The following PRXL2A variants were observed in gnomAD, a reference collection of about 807,000 sequenced individuals.
The protein encoded by PRXL2A is peroxiredoxin-like 2A.
PRXL2A carries 26 observed loss-of-function variants against 25.6 expected under a neutral mutation model. The observed-to-expected ratio is 1.02, with a 90% CI of 0.74 to 1.41. The LOEUF is 1.41. PRXL2A is among the 40% of genes most tolerant of loss of function. The probability of loss-of-function intolerance (pLI) is 0.00; values close to 1 mark genes in which losing one functional copy is unlikely to be tolerated. For missense variants in PRXL2A, 246 were observed against 273.9 expected (o/e 0.90, Z 0.72); for synonymous variants, 98 against 102.9 (o/e 0.95, Z 0.29).
chr10:80,424,895 T>G (rs1163845336), intron 3 of PRXL2A, among the ~76,000 whole-genome samples: 1 of 152,138 alleles, frequency 6.6e-6, no homozygotes, highest in Non-Finnish European at 1.5e-5. Context: ...ACCTTTCATA[T>G]CACAAAAAGG....
At chr10:80,412,884 G>A (rs968546546) in intron 1 of PRXL2A, among the ~76,000 whole-genome samples, 4 of 152,186 alleles carry the variant, frequency 2.6e-5, no homozygotes, top group African/African-American at 9.7e-5. Context: ...GTGGGGGTGT[G>A]CTGGGATCGC....
chr10:80,420,345 C>G, intron 1 of PRXL2A, 121 bp from the exon 2 acceptor site: 4 of 1,468,490 alleles, frequency 2.7e-6, no homozygotes, highest in South Asian at 1.5e-5. Flanking sequence ...TGTGACACTG[C>G]TGCTCCCTTC....
chr10:80,421,182 C>T (rs1005562457), intron 2 of PRXL2A, among the ~76,000 whole-genome samples: 2 of 152,218 alleles, frequency 1.3e-5, no homozygotes, highest in Non-Finnish European at 2.9e-5. Flanking sequence ...GCATGGCCAG[C>T]CCCTCCCTGT....
intron 3 of PRXL2A, among the ~76,000 whole-genome samples, chr10:80,423,016 A>T (rs1278175730): frequency 6.6e-6 from 1 of 152,088 alleles, no homozygotes; most frequent in Non-Finnish European, 1.5e-5. Flanking sequence ...CCACATTCTC[A>T]CATGTTAGCT....
At chr10:80,409,094 C>G in intron 1 of PRXL2A, 2 of 985,124 alleles carry the variant, frequency 2.0e-6, no homozygotes, top group Non-Finnish European at 2.4e-6. Context: ...TCCTCGTCCT[C>G]GTCTCTGTGC....
chr10:80,411,330 G>A (rs557093766), intron 1 of PRXL2A, among the ~76,000 whole-genome samples: 5 of 152,218 alleles, frequency 3.3e-5, no homozygotes, highest in Non-Finnish European at 7.3e-5. Context: ...GGCTGATGAT[G>A]TTCTCTCCAG....
intron 1 of PRXL2A, chr10:80,413,740 G>GTCCT: frequency 1.5e-6 from 1 of 651,534 alleles, no homozygotes; most frequent in Non-Finnish European, 1.9e-6. Flanking sequence ...GGGTGGCCTG[G>GTCCT]TCCTGCCTAT....
intron 5 of PRXL2A, among the ~76,000 whole-genome samples, chr10:80,429,762 C>T (rs1845185091): frequency 6.6e-6 from 1 of 152,126 alleles, no homozygotes; most frequent in Non-Finnish European, 1.5e-5. Flanking sequence ...CAGGCCACTT[C>T]CCCAGTGGAT....
In PRXL2A at chr10:80,422,282, C is replaced by T. The variant is rs961807618; in HGVS notation, c.179-135C>T. 3.1e-5 allele frequency: 19 copies of T among 604,574 alleles called. No individual in the cohort carries two copies. The East Asian group carries it at 3.6e-4, about 11-fold the overall frequency. The allele number at this position is 604,574 out of a possible 1,614,324, so 37.5% of individuals were successfully genotyped here. On this transcript the variant is annotated intron_variant, in intron 2 of 5. Transcript: ENST00000606162. ...TGTGTTTCCTGTGTGTCTTTTCCCACGTGTGAAATGCCTGTCCAGGTCCTC... is the reference window on the plus strand; with the variant it reads ...TGTGTTTCCTGTGTGTCTTTTCCCATGTGTGAAATGCCTGTCCAGGTCCTC...
rs770651458 is a variant in PRXL2A, at chr10:80,433,372, G to T, written c.*1273G>T. 6.6e-6 allele frequency: 1 copy of T among 152,174 alleles called. No homozygotes were observed. Among genetic ancestry groups the T allele is most frequent in the African/African-American group, 2.4e-5 (1 of 41,422 alleles). 9.4% of individuals were successfully genotyped at this position (152,174 alleles called of 1,614,324 possible). On this transcript the variant is annotated 3_prime_UTR_variant, in exon 6 of 6. Transcript: ENST00000606162. ...ATCATCAAGACCTACCAGGGAGCTC[G>T]GCCACAGGGAGTCTACTCAAGGCAT...
At chr10:80,418,074 T>G (rs1384025085) in intron 1 of PRXL2A, among the ~76,000 whole-genome samples, 1 of 152,002 alleles carries the variant, frequency 6.6e-6, no homozygotes, top group African/African-American at 2.4e-5. Flanking sequence ...ATATGCATAT[T>G]TGTTACATGG....
Position 80,432,178 on chromosome 10 carries a change from C to T in PRXL2A, c.*79C>T. The T allele has an allele frequency of 1.2e-6, 1 of 825,724 alleles. No homozygotes were observed. Among genetic ancestry groups the T allele is most frequent in the Non-Finnish European group, 2.0e-6 (1 of 501,722 alleles). 51.1% of individuals were successfully genotyped at this position (825,724 alleles called of 1,614,324 possible). On this transcript the variant is annotated 3_prime_UTR_variant, in exon 6 of 6. Coordinates refer to ENST00000606162, the MANE Select transcript of PRXL2A (RefSeq NM_032333.5). The stretch of plus-strand genomic sequence containing the variant: ...GGGATGTATTGTTTCCACTCGTGTC[C>T]CTAAGGAGTGAGAAACCCATTTATA...
chr10:80,414,242 C>G (rs1164880266), intron 1 of PRXL2A, among the ~76,000 whole-genome samples: 1 of 152,204 alleles, frequency 6.6e-6, no homozygotes, highest in African/African-American at 2.4e-5. Flanking sequence ...GTGGCTTTAT[C>G]CTACTTCACC....
chr10:80,412,676 A>G (rs74702152), intron 1 of PRXL2A, among the ~76,000 whole-genome samples: 3,311 of 152,224 alleles, frequency 0.022, 48 homozygotes, highest in Non-Finnish European at 0.031. Context: ...GGCTTTGGAG[A>G]GGAAGTGTTA....
chr10:80,426,091 G>A, intron 4 of PRXL2A, 85 bp downstream of exon 4: 1 of 1,553,832 alleles, frequency 6.4e-7, no homozygotes, highest in Non-Finnish European at 8.8e-7. Context: ...GGTATGTCTG[G>A]CCTGGAGCTG....
chr10:80,421,719 G>A (rs1263147185), intron 2 of PRXL2A, among the ~76,000 whole-genome samples: 1 of 151,456 alleles, frequency 6.6e-6, no homozygotes, highest in Admixed American at 6.6e-5. Flanking sequence ...AATAATTAAG[G>A]GCTCATATTT....
At chr10:80,411,453 G>A (rs916274631) in intron 1 of PRXL2A, among the ~76,000 whole-genome samples, 4 of 152,238 alleles carry the variant, frequency 2.6e-5, no homozygotes, top group African/African-American at 9.6e-5. Context: ...AGACTGCCAT[G>A]CTATTCCAGC....
intron 5 of PRXL2A, 79 bp downstream of exon 5, chr10:80,427,575 G>T: frequency 1.4e-6 from 2 of 1,477,390 alleles, no homozygotes; most frequent in Admixed American, 1.9e-5. Context: ...GCTGGAGTGG[G>T]GGTTGACTTT....
In PRXL2A at chr10:80,420,332, G is replaced by A. The variant is rs148780097; in HGVS notation, c.-2-134G>A. The A allele has an allele frequency of 2.7e-4, 391 of 1,437,736 alleles. 3 individuals carry two copies. In the East Asian group the frequency reaches 8.8e-3, roughly 32 times the overall value. The allele number at this position is 1,437,736 out of a possible 1,614,324, so 89.1% of individuals were successfully genotyped here. A position where few individuals can be genotyped will look rare whatever the true frequency, so the allele number is the denominator to read the frequency against. ...TGCTTAGCAGCCCTTGTCCAGTCTCGCCTGTGACACTGCTGCTCCCTTCCC... is the reference window on the plus strand; with the variant it reads ...TGCTTAGCAGCCCTTGTCCAGTCTCACCTGTGACACTGCTGCTCCCTTCCC... On this transcript the variant is annotated intron_variant, in intron 1 of 5. Transcript: ENST00000606162.
Sources: allele counts gnomAD v4.1 joint callset (sites outside exome capture counted in the v4.1 genomes callset), GRCh38; gene constraint gnomAD v4.1.1; transcripts MANE v1.5; gene names NCBI Gene and HGNC (gene_info 2026-07-23, HGNC 2026-07-21).